CNTN4: variants seen among roughly 807,000 people sequenced by gnomAD.
The protein encoded by CNTN4 is contactin 4.
Under a neutral mutation model 122.5 loss-of-function variants are expected in CNTN4, and 77 were observed. The ratio of observed to expected loss-of-function variants is 0.63; its 90% confidence interval spans 0.52 to 0.76. CNTN4 has a LOEUF of 0.76. Ranked by LOEUF, CNTN4 falls within the 30% of genes least tolerant of loss-of-function variation. The probability of loss-of-function intolerance (pLI) is 0.00; values close to 1 mark genes in which losing one functional copy is unlikely to be tolerated. For synonymous variants in CNTN4, 512 were observed against 447.0 expected, an observed-to-expected ratio of 1.15 and a Z score of -1.83; for missense variants, 1,256 against 1,259.1, an observed-to-expected ratio of 1.00 and a Z score of 0.04.
intron 14 of CNTN4, among the ~76,000 whole-genome samples, chr3:2,991,616 G>A (rs1695058638): frequency 6.6e-6 from 1 of 151,992 alleles, no homozygotes; most frequent in Non-Finnish European, 1.5e-5. Context: ...TCTGCAGAGG[G>A]GCCATCCACA....
chr3:2,930,815 G>A (rs1292865188), intron 13 of CNTN4, among the ~76,000 whole-genome samples: 1 of 152,178 alleles, frequency 6.6e-6, no homozygotes, highest in East Asian at 1.9e-4. Context: ...AGAAAAAAAA[G>A]GAGACATGAA....
At chr3:2,791,967 T>C (rs1462864556) in intron 6 of CNTN4, among the ~76,000 whole-genome samples, 2 of 152,174 alleles carry the variant, frequency 1.3e-5, no homozygotes, top group Non-Finnish European at 2.9e-5. Flanking sequence ...ATGATCTCCT[T>C]ATCTCAAGAT....
chr3:2,991,694 G>C (rs1695066494), intron 14 of CNTN4, among the ~76,000 whole-genome samples: 1 of 152,100 alleles, frequency 6.6e-6, no homozygotes, highest in Non-Finnish European at 1.5e-5. Context: ...GCCCCATAAA[G>C]CACGATATAG....
chr3:2,532,323 G>A (rs2077626705), intron 3 of CNTN4, among the ~76,000 whole-genome samples: 1 of 152,002 alleles, frequency 6.6e-6, no homozygotes, highest in Non-Finnish European at 1.5e-5. Flanking sequence ...GTGCAATCAT[G>A]GCTAACTACA....
At chr3:2,164,288 G>A (rs189399187) in intron 2 of CNTN4, among the ~76,000 whole-genome samples, 2 of 152,176 alleles carry the variant, frequency 1.3e-5, no homozygotes, top group Non-Finnish European at 2.9e-5. Flanking sequence ...TATCAGAATG[G>A]ATGCTACTGA....
chr3:2,439,130 T>G (rs1237725191), intron 3 of CNTN4, among the ~76,000 whole-genome samples: 1 of 152,210 alleles, frequency 6.6e-6, no homozygotes, highest in Non-Finnish European at 1.5e-5. Flanking sequence ...CAGTGCTTCC[T>G]GTTTCTGGGA....
At chr3:2,589,524 G>C (rs1474450320) in intron 4 of CNTN4, among the ~76,000 whole-genome samples, 1 of 152,160 alleles carries the variant, frequency 6.6e-6, no homozygotes, top group Non-Finnish European at 1.5e-5. Flanking sequence ...GATGATATCT[G>C]AATTGTGCAG....
At chr3:3,009,945 C>T (rs543975727) in intron 14 of CNTN4, among the ~76,000 whole-genome samples, 1 of 151,370 alleles carries the variant, frequency 6.6e-6, no homozygotes, top group Non-Finnish European at 1.5e-5. Context: ...GTTTCCTTTT[C>T]GGCTGATCGC....
intron 12 of CNTN4, 89 bp downstream of exon 12, chr3:2,903,094 C>A: frequency 1.5e-6 from 2 of 1,344,774 alleles, no homozygotes; most frequent in Non-Finnish European, 2.1e-6. Context: ...ATGTTCAATC[C>A]AAGAAAAGGA....
chr3:2,188,691 A>G (rs1458195628), intron 2 of CNTN4, among the ~76,000 whole-genome samples: 3 of 152,272 alleles, frequency 2.0e-5, no homozygotes, highest in Non-Finnish European at 2.9e-5. Flanking sequence ...ACAGAAAGGC[A>G]GTAATTAGGG....
intron 5 of CNTN4, among the ~76,000 whole-genome samples, chr3:2,742,216 C>T (rs2089495606): frequency 6.6e-6 from 1 of 152,068 alleles, no homozygotes; most frequent in African/African-American, 2.4e-5. Context: ...GACACCGCAA[C>T]TGACCTCTCT....
intron 4 of CNTN4, among the ~76,000 whole-genome samples, chr3:2,733,103 GTC>G (rs2088818148): frequency 6.6e-6 from 1 of 152,168 alleles, no homozygotes. Context: ...TTAATCCACA[GTC>G]TCTCAGCTGC....
At chr3:3,009,507 C>G (rs1484108929) in intron 14 of CNTN4, among the ~76,000 whole-genome samples, 1 of 151,422 alleles carries the variant, frequency 6.6e-6, no homozygotes, top group Non-Finnish European at 1.5e-5. Flanking sequence ...GATCTCAGCT[C>G]ACTGCAAGCT....
At chr3:2,706,253 C>T (rs926369787) in intron 4 of CNTN4, among the ~76,000 whole-genome samples, 10 of 151,866 alleles carry the variant, frequency 6.6e-5, no homozygotes, top group Non-Finnish European at 1.0e-4. Context: ...TTAATACATT[C>T]TGTGGTTTAT....
intron 2 of CNTN4, among the ~76,000 whole-genome samples, chr3:2,276,178 A>T (rs28521003): frequency 6.6e-6 from 1 of 150,722 alleles, no homozygotes; most frequent in South Asian, 2.1e-4. Context: ...ATTTATTTTT[A>T]TTATTTTTTT....
chr3:2,781,855 G>C lies in CNTN4; in HGVS notation c.358+36158G>C, dbSNP rs1207938178. 9.6e-5 allele frequency among the ~76,000 whole-genome samples: 12 copies of C among 125,302 alleles called. 1 individual carries two copies. Among genetic ancestry groups the C allele is most frequent in the Admixed American group, 1.5e-4 (2 of 12,946 alleles). The allele number at this position is 125,302 out of a possible 152,430, so 82.2% of individuals were successfully genotyped here. A position where few individuals can be genotyped will look rare whatever the true frequency, so the allele number is the denominator to read the frequency against. On this transcript the variant is annotated intron_variant, in intron 6 of 24. Transcript: ENST00000418658. ...TTCTCCTGCCTCAGCCTCCCGAGTA[G>C]CTGGGACTGCAGGCGCCCGCACCAC...
At chr3:2,390,928 T>G (rs1995209) in intron 3 of CNTN4, among the ~76,000 whole-genome samples, 24,412 of 152,200 alleles carry the variant, frequency 0.16, 2,399 homozygotes, top group Middle Eastern at 0.26. Context: ...CAGAAAATAT[T>G]TTGTTCTTCA....
intron 6 of CNTN4, among the ~76,000 whole-genome samples, chr3:2,788,066 C>T (rs911846069): frequency 2.0e-5 from 3 of 152,054 alleles, no homozygotes; most frequent in South Asian, 2.1e-4. Context: ...CTCGGATTAC[C>T]GTGCCCGGCC....
At chr3:2,765,372 T>C (rs1037412700) in intron 6 of CNTN4, among the ~76,000 whole-genome samples, 1 of 152,202 alleles carries the variant, frequency 6.6e-6, no homozygotes, top group Non-Finnish European at 1.5e-5. Context: ...GTAATGCTGA[T>C]AGTGCTTTTT....
Sources: gnomAD v4.1 joint callset for allele counts (sites outside exome capture counted in the v4.1 genomes callset) on GRCh38, gnomAD v4.1.1 for gene constraint, MANE v1.5 for transcripts, NCBI Gene and HGNC (gene_info 2026-07-23, HGNC 2026-07-21) for gene names.